The following ANKHD1 variants were observed in gnomAD, a reference collection of about 807,000 sequenced individuals.
The protein encoded by ANKHD1 is ankyrin repeat and KH domain-containing protein 1.
ANKHD1 carries 31 observed loss-of-function variants against 230.5 expected under a neutral mutation model. That is an observed-to-expected ratio of 0.13 (90% CI 0.10 to 0.18). ANKHD1 has a LOEUF of 0.18. Among genes scored for constraint, ANKHD1 ranks in the 10% least tolerant of loss-of-function variants. The probability of loss-of-function intolerance (pLI) is 1.00; values close to 1 mark genes in which losing one functional copy is unlikely to be tolerated. For missense variants in ANKHD1, 2,256 were observed against 3,071.3 expected, an observed-to-expected ratio of 0.73 and a Z score of 6.27; for synonymous variants, 1,074 against 1,117.6, an observed-to-expected ratio of 0.96 and a Z score of 0.78.
intron 4 of ANKHD1, 33 bp from the exon 5 acceptor site, chr5:140,440,962 A>T: frequency 6.6e-7 from 1 of 1,515,852 alleles, no homozygotes; most frequent in South Asian, 1.3e-5. Context: ...AGTAAGAATT[A>T]ACAATTTCTC....
intron 25 of ANKHD1, 28 bp downstream of exon 25, chr5:140,524,268 A>G: frequency 6.5e-7 from 1 of 1,538,600 alleles, no homozygotes; most frequent in Non-Finnish European, 8.7e-7. Flanking sequence ...TGAATTAACG[A>G]TAAAATTCTC....
intron 1 of ANKHD1, among the ~76,000 whole-genome samples, chr5:140,422,205 C>T (rs1224110850): frequency 6.6e-6 from 1 of 152,140 alleles, no homozygotes. Context: ...TCATTTCAAC[C>T]TCCGCCTCCT....
chr5:140,486,027 T>G, intron 13 of ANKHD1: 1 of 299,462 alleles, frequency 3.3e-6, no homozygotes, highest in Non-Finnish European at 6.0e-6. Context: ...TTTTATTTGT[T>G]TTTTAACAAG....
chr5:140,457,274 A>C (rs1337072736), intron 7 of ANKHD1, among the ~76,000 whole-genome samples: 1 of 152,232 alleles, frequency 6.6e-6, no homozygotes, highest in African/African-American at 2.4e-5. Flanking sequence ...GACTAGTTCA[A>C]CCATTGTGGT....
In ANKHD1 at chr5:140,529,666, T is replaced by G; in HGVS notation, c.6720T>G (p.Asp2240Glu). Reference protein sequence around the residue: ...DGPLSSRVATDASFTVQSAFL... With the variant: ...DGPLSSRVATEASFTVQSAFL... ...CACTGTCCTCACGAGTTGCTACAGATGCCTCTTTCACTGTTCAGTCAGCGT... is the reference window on the plus strand; with the variant it reads ...CACTGTCCTCACGAGTTGCTACAGAGGCCTCTTTCACTGTTCAGTCAGCGT... Residue 2240 changes from aspartate to glutamate, a missense_variant, in exon 29 of 34, where the codon GAT becomes GAG. By Grantham distance (45) the Asp-to-Glu change is conservative. Coordinates refer to ENST00000360839, the MANE Select transcript of ANKHD1 (RefSeq NM_017747.3). 6.2e-7 allele frequency: 1 copy of G among 1,614,252 alleles called. No homozygotes were observed. The highest frequency in any genetic ancestry group is 8.5e-7 in the Non-Finnish European group (1 of 1,180,046).
intron 1 of ANKHD1, 81 bp downstream of exon 1, chr5:140,402,354 C>G (rs1770015698): frequency 7.3e-7 from 1 of 1,376,498 alleles, no homozygotes; most frequent in African/African-American, 1.5e-5. Flanking sequence ...GGGCCATCCT[C>G]CCGCTTCCCT....
intron 7 of ANKHD1, among the ~76,000 whole-genome samples, chr5:140,457,653 A>G (rs1267112481): frequency 1.3e-5 from 2 of 152,156 alleles, no homozygotes; most frequent in Non-Finnish European, 2.9e-5. Context: ...GAATTGAACA[A>G]TGAGAACACT....
chr5:140,487,724 T>A (rs1412490599), intron 14 of ANKHD1, among the ~76,000 whole-genome samples: 1 of 152,190 alleles, frequency 6.6e-6, no homozygotes, highest in African/African-American at 2.4e-5. Context: ...TTATGTATAG[T>A]TGTAATATCT....
chr5:140,404,929 T>C (rs1233340678), intron 1 of ANKHD1, among the ~76,000 whole-genome samples: 7 of 151,202 alleles, frequency 4.6e-5, no homozygotes, highest in Admixed American at 2.7e-4. Context: ...GCCCCCAAAG[T>C]CATAAATTTG....
At chr5:140,537,636 G>C in intron 31 of ANKHD1, 47 bp downstream of exon 31, 4 of 1,484,464 alleles carry the variant, frequency 2.7e-6, no homozygotes, top group African/African-American at 1.4e-5. Flanking sequence ...TAAGTAAGCT[G>C]TAGGTTTGCC....
chr5:140,496,279 C>G (rs764811834), intron 14 of ANKHD1, among the ~76,000 whole-genome samples: 4 of 151,792 alleles, frequency 2.6e-5, no homozygotes, highest in Non-Finnish European at 4.4e-5. Context: ...TTTAAAACTT[C>G]ACAGTTTTTG....
At chr5:140,539,310 G>A (rs896814874) in intron 33 of ANKHD1, 49 bp from the exon 34 acceptor site, 2 of 1,611,622 alleles carry the variant, frequency 1.2e-6, no homozygotes, top group South Asian at 1.1e-5. Flanking sequence ...TTTTGTAACT[G>A]TCTAAAGATT....
chr5:140,443,204 A>G (rs1774002242), intron 5 of ANKHD1, among the ~76,000 whole-genome samples: 1 of 152,016 alleles, frequency 6.6e-6, no homozygotes, highest in African/African-American at 2.4e-5. Flanking sequence ...CTCCAGGCCT[A>G]TTTTATTAAC....
intron 10 of ANKHD1, chr5:140,472,136 A>C: frequency 1.1e-6 from 1 of 911,850 alleles, no homozygotes; most frequent in South Asian, 1.5e-5. Flanking sequence ...ATCCTGAGTT[A>C]ACAAAGCCCA....
chr5:140,431,798 T>C (rs893733502), intron 1 of ANKHD1, among the ~76,000 whole-genome samples: 2 of 152,222 alleles, frequency 1.3e-5, no homozygotes, highest in East Asian at 3.8e-4. Flanking sequence ...TGCATTATAT[T>C]TTCAGAGAAG....
rs377635367 is a variant in ANKHD1, at chr5:140,445,192, G to A, written c.914-550G>A. ...CTCTTAATTAGTAGGAAAATTGGCC[G>A]GGCGTGGTATAATTGGCATAATTGG... On this transcript the variant is annotated intron_variant, in intron 5 of 33. Coordinates refer to ENST00000360839, the MANE Select transcript of ANKHD1 (RefSeq NM_017747.3). 1.4e-4 allele frequency among the ~76,000 whole-genome samples: 22 copies of A among 152,038 alleles called. No individual in the cohort carries two copies. In the South Asian group the frequency reaches 3.7e-3, roughly 26 times the overall value.
intron 7 of ANKHD1, among the ~76,000 whole-genome samples, chr5:140,454,369 G>A (rs531000986): frequency 6.6e-5 from 10 of 152,192 alleles, no homozygotes; most frequent in Middle Eastern, 3.4e-3. Flanking sequence ...GACCGAATAG[G>A]CATCTACAGA....
chr5:140,513,590 C>A (rs1752854080), intron 24 of ANKHD1, 111 bp downstream of exon 24: 2 of 1,048,866 alleles, frequency 1.9e-6, no homozygotes, highest in Non-Finnish European at 2.7e-6. Context: ...GGGTGGATTA[C>A]CTGAGGTCAG....
At chr5:140,491,119 C>T (rs113859191) in intron 14 of ANKHD1, among the ~76,000 whole-genome samples, 778 of 46,700 alleles carry the variant, frequency 0.017, 18 homozygotes, top group African/African-American at 0.038. Context: ...CACACACACA[C>T]ATATATATAT....
Sources: gnomAD v4.1 joint callset for allele counts (sites outside exome capture counted in the v4.1 genomes callset) on GRCh38, gnomAD v4.1.1 for gene constraint, MANE v1.5 for transcripts, NCBI Gene and HGNC (gene_info 2026-07-23, HGNC 2026-07-21) for gene names.